DENND4B: variants seen among roughly 807,000 people sequenced by gnomAD.
DENND4B encodes DENN domain-containing protein 4B.
A neutral mutation model predicts 161.0 loss-of-function variants in DENND4B; 67 were observed. That is an observed-to-expected ratio of 0.42 (90% CI 0.34 to 0.51). The LOEUF is 0.51. DENND4B is among the 20% of genes least tolerant of loss of function. The pLI is 0.08. For synonymous variants in DENND4B, 753 were observed against 813.8 expected (o/e 0.93, Z 1.27); for missense variants, 1,481 against 1,968.0 (o/e 0.75, Z 4.68).
In DENND4B at chr1:153,942,762, C is replaced by T; in HGVS notation, c.570+116G>A. On this transcript the variant is annotated intron_variant, in intron 3 of 27. Transcript: ENST00000361217. The surrounding 1 kb of genome is among the most constrained non-coding windows in gnomAD (Gnocchi z 6.9). Reference sequence around the variant, plus strand: ...TCCCAGTGCCCCAAGACCAGAGTTACCCCTCTGGACTCACCCCTGTGGTCA... The same window carrying T: ...TCCCAGTGCCCCAAGACCAGAGTTATCCCTCTGGACTCACCCCTGTGGTCA... The T allele has an allele frequency of 6.8e-7, 1 of 1,472,144 alleles. No individual in the cohort carries two copies. Among genetic ancestry groups the T allele is most frequent in the Non-Finnish European group, 9.0e-7 (1 of 1,106,414 alleles). The allele number at this position is 1,472,144 out of a possible 1,614,324, so 91.2% of individuals were successfully genotyped here. A position where few individuals can be genotyped will look rare whatever the true frequency, so the allele number is the denominator to read the frequency against.
rs577706151 is a variant in DENND4B at position 153,940,671 on chromosome 1, A to C, written c.1327-65T>G. On this transcript the variant is annotated intron_variant, in intron 9 of 27. Transcript: ENST00000361217. The surrounding 1 kb of genome is among the most constrained non-coding windows in gnomAD (Gnocchi z 5.6). ...GAGGCAGCAGTGGGAGGCACAGGAG[A>C]GAGAAAGAGAGGGCATTGGCCTTGG... 52 of 1,563,558 alleles carry C rather than the reference A, an allele frequency of 3.3e-5. No individual in the cohort carries two copies. Among genetic ancestry groups the C allele is most frequent in the African/African-American group, 2.7e-4 (20 of 73,828 alleles).
rs969080491 is a variant in DENND4B, at chr1:153,933,516, G to T, written c.3297C>A (p.His1099Gln). The change falls in exon 20 of 28, where the codon CAC becomes CAA. Residue 1099 changes from histidine (H) to glutamine (Q), a missense_variant. Around this residue, in one of 3 missense-constraint regions of DENND4B, gnomAD observed 339 missense variants for 330.3 expected, o/e 1.03. Coordinates refer to ENST00000361217, the MANE Select transcript of DENND4B (RefSeq NM_014856.3). This position sits in a 1 kb window ranked among gnomAD's most constrained non-coding sequence, Gnocchi z 5.7. The stretch of plus-strand genomic sequence containing the variant: ...CAGTGGATCCAGGGCGCTCCCGGGG[G>T]TGCAGAAGACTGTCCATGGGGCTGC... ...ARRSPMDSLL[H>Q]PRERPGSTAS... 2.6e-6 allele frequency: 4 copies of T among 1,552,050 alleles called. No homozygotes were observed. In the African/African-American group the frequency reaches 4.1e-5, roughly 16 times the overall value.
At position 153,940,796 on chromosome 1, in the gene DENND4B, G is replaced by C. The variant is rs1194946919; in HGVS notation, c.1326+108C>G. The C allele has an allele frequency of 4.8e-6, 7 of 1,468,300 alleles. No individual in the cohort carries two copies. Among genetic ancestry groups the C allele is most frequent in the Non-Finnish European group, 6.3e-6 (7 of 1,108,706 alleles). The allele number at this position is 1,468,300 out of a possible 1,614,324, so 91.0% of individuals were successfully genotyped here. On this transcript the variant is annotated intron_variant, in intron 9 of 27. Transcript: ENST00000361217. The surrounding 1 kb of genome is among the most constrained non-coding windows in gnomAD (Gnocchi z 5.6). ...CTGCAGGCTGTGCCCAGGGAAAGGG[G>C]CTGAGGATCCTCCACAAGGAAGGAA... is the stretch of plus-strand genomic sequence containing the variant.
Position 153,932,763 on chromosome 1 carries a change from T to G in DENND4B, c.3638A>C (p.Lys1213Thr). ...TTTGCTGCCACTGGCACCAGCAGATTTGGGGCTGGGGACACTGCAGGGGGA... is the reference window on the plus strand; with the variant it reads ...TTTGCTGCCACTGGCACCAGCAGATGTGGGGCTGGGGACACTGCAGGGGGA... ...LDSRPSVPSP[K>T]SAGASGSKDA... The change falls in exon 23 of 28, where the codon AAA becomes ACA. Residue 1213 changes from lysine (K) to threonine (T), a missense_variant. Transcript: ENST00000361217. This position sits in a 1 kb window ranked among gnomAD's most constrained non-coding sequence, Gnocchi z 5.8. 6.2e-7 allele frequency: 1 copy of G among 1,613,946 alleles called. No homozygotes were observed. The highest frequency in any genetic ancestry group is 2.2e-5 in the East Asian group (1 of 44,878).
rs1371436152 is a variant in DENND4B, at chr1:153,942,485, G to T, written c.640+71C>A. ...AAAGTAAACTCTGGGGACACTTAAGGTGCCTGCCAAGAGGCACCAGGGCAA... is the reference window on the plus strand; with the variant it reads ...AAAGTAAACTCTGGGGACACTTAAGTTGCCTGCCAAGAGGCACCAGGGCAA... On this transcript the variant is annotated intron_variant, in intron 4 of 27. Coordinates refer to ENST00000361217, the MANE Select transcript of DENND4B (RefSeq NM_014856.3). The surrounding 1 kb of genome is among the most constrained non-coding windows in gnomAD (Gnocchi z 6.9). 6.4e-7 allele frequency: 1 copy of T among 1,564,470 alleles called. No homozygotes were observed. The highest frequency in any genetic ancestry group is 8.7e-7 in the Non-Finnish European group (1 of 1,153,732).
In DENND4B at chr1:153,940,120, CA is replaced by C; in HGVS notation, c.1603+35del. On this transcript the variant is annotated intron_variant, in intron 11 of 27. Transcript: ENST00000361217. The surrounding 1 kb of genome is among the most constrained non-coding windows in gnomAD (Gnocchi z 5.6). ...CAAACTGGAGGTTTGAGGGCAATGACAGTTCCCAGCCTCCCTCCCCACCCAG... is the reference window on the plus strand; with the variant it reads ...CAAACTGGAGGTTTGAGGGCAATGACGTTCCCAGCCTCCCTCCCCACCCAG... 1 of 1,512,460 alleles carries C rather than the reference CA, an allele frequency of 6.6e-7. No individual in the cohort carries two copies. Among genetic ancestry groups the C allele is most frequent in the Non-Finnish European group, 8.9e-7 (1 of 1,126,240 alleles). The allele number at this position is 1,512,460 out of a possible 1,614,324, so 93.7% of individuals were successfully genotyped here. A position where few individuals can be genotyped will look rare whatever the true frequency, so the allele number is the denominator to read the frequency against.
intron 11 of DENND4B, 128 bp from the exon 12 acceptor site, chr1:153,939,932 C>A: frequency 1.1e-6 from 1 of 927,848 alleles, no homozygotes; most frequent in Non-Finnish European, 1.6e-6. Context: ...AAAGTATTAC[C>A]TTCAACTAAC....
chr1:153,942,803 G>C lies in DENND4B; in HGVS notation c.570+75C>G. On this transcript the variant is annotated intron_variant, in intron 3 of 27. Transcript: ENST00000361217. The surrounding 1 kb of genome is among the most constrained non-coding windows in gnomAD (Gnocchi z 6.9). ...CCTGTGGTCAGAGCCTTGGTCCTGG[G>C]ATGCCCTTTGTTCCCAGTGTCCACA... is the stretch of plus-strand genomic sequence containing the variant. The C allele has an allele frequency of 1.3e-6, 2 of 1,523,812 alleles. No individual in the cohort carries two copies. Among genetic ancestry groups the C allele is most frequent in the Non-Finnish European group, 1.8e-6 (2 of 1,133,304 alleles). 94.4% of individuals were successfully genotyped at this position (1,523,812 alleles called of 1,614,324 possible).
Position 153,932,151 on chromosome 1 carries a change from G to A in DENND4B, c.3996+53C>T, listed in dbSNP as rs769420997. The A allele has an allele frequency of 7.3e-6, 11 of 1,500,140 alleles. No individual in the cohort carries two copies. Among genetic ancestry groups the A allele is most frequent in the African/African-American group, 1.4e-5 (1 of 72,564 alleles). 92.9% of individuals were successfully genotyped at this position (1,500,140 alleles called of 1,614,324 possible). A position where few individuals can be genotyped will look rare whatever the true frequency, so the allele number is the denominator to read the frequency against. On this transcript the variant is annotated intron_variant, in intron 24 of 27. Transcript: ENST00000361217. The surrounding 1 kb of genome is among the most constrained non-coding windows in gnomAD (Gnocchi z 5.8). Reference sequence around the variant, plus strand: ...GTGCCAAGGACACAGTGGACAAATGGCTGAGAGATGAGGGAGGCACTTAGG... The same window carrying A: ...GTGCCAAGGACACAGTGGACAAATGACTGAGAGATGAGGGAGGCACTTAGG...
rs758189627 is a variant in DENND4B, at chr1:153,934,157, A to G, written c.2919T>C (p.Thr973=). ...CACTGTGGGCCACACCGGCCTCCAC[A>G]GTGGGCTGTGCCCCTCGGGCACTGC... is the stretch of plus-strand genomic sequence containing the variant. ...SLGSARGAQP[T]VEAGVAHMIE... is the part of the protein sequence containing the mutation. Residue 973 remains threonine, a synonymous_variant, in exon 19 of 28, where the codon ACT becomes ACC. Coordinates refer to ENST00000361217, the MANE Select transcript of DENND4B (RefSeq NM_014856.3). This position sits in a 1 kb window ranked among gnomAD's most constrained non-coding sequence, Gnocchi z 5.3. 2.5e-6 allele frequency: 4 copies of G among 1,580,466 alleles called. No homozygotes were observed. Among genetic ancestry groups the G allele is most frequent in the Non-Finnish European group, 3.4e-6 (4 of 1,170,678 alleles).
At chr1:153,943,718 C>T (rs1021215561) in intron 2 of DENND4B, among the ~76,000 whole-genome samples, 1 of 146,888 alleles carries the variant, frequency 6.8e-6, no homozygotes, top group Admixed American at 7.0e-5. Flanking sequence ...TACAAGCTAC[C>T]ACTGACTGAC....
chr1:153,945,155 C>T, intron 1 of DENND4B: 6 of 1,289,508 alleles, frequency 4.7e-6, no homozygotes, highest in South Asian at 1.2e-5. Flanking sequence ...GGCCCAACCC[C>T]GGGGAGTAGG....
chr1:153,943,911 A>T (rs766355631), intron 2 of DENND4B, 147 bp downstream of exon 2: 7 of 859,636 alleles, frequency 8.1e-6, no homozygotes. Context: ...GACTAAGTAC[A>T]TACAACTTCA....
In DENND4B at chr1:153,929,546, T is replaced by A. The variant is rs1678784884; in HGVS notation, c.*751A>T. 6.6e-6 allele frequency: 1 copy of A among 152,098 alleles called. No homozygotes were observed. Among genetic ancestry groups the A allele is most frequent in the Admixed American group, 6.5e-5 (1 of 15,276 alleles). The allele number at this position is 152,098 out of a possible 1,614,324, so 9.4% of individuals were successfully genotyped here. On this transcript the variant is annotated 3_prime_UTR_variant, in exon 28 of 28. Coordinates refer to ENST00000361217, the MANE Select transcript of DENND4B (RefSeq NM_014856.3). ...TTACTATATTTACATCCAACAAAAC[T>A]TCGCAGGGAACAATCCTTATTGCAC... is the stretch of plus-strand genomic sequence containing the variant.
At position 153,942,747 on chromosome 1, in the gene DENND4B, C is replaced by A; in HGVS notation, c.571-122G>T. ...TAAAGCTCCCATTAATCCCAGTGCCCCAAGACCAGAGTTACCCCTCTGGAC... is the reference window on the plus strand; with the variant it reads ...TAAAGCTCCCATTAATCCCAGTGCCACAAGACCAGAGTTACCCCTCTGGAC... On this transcript the variant is annotated intron_variant, in intron 3 of 27. Coordinates refer to ENST00000361217, the MANE Select transcript of DENND4B (RefSeq NM_014856.3). The surrounding 1 kb of genome is among the most constrained non-coding windows in gnomAD (Gnocchi z 6.9). 6.8e-7 allele frequency: 1 copy of A among 1,477,534 alleles called. No individual in the cohort carries two copies. Among genetic ancestry groups the A allele is most frequent in the South Asian group, 1.4e-5 (1 of 71,070 alleles). 91.5% of individuals were successfully genotyped at this position (1,477,534 alleles called of 1,614,324 possible).
chr1:153,930,544 T>A lies in DENND4B; in HGVS notation c.4340A>T (p.Asp1447Val). Reference sequence around the variant, plus strand: ...CCCCTTGCCTGCAATCTCACCTATGTCCACGTGGTCCTTGCCCAGAGCAGC... The same window carrying A: ...CCCCTTGCCTGCAATCTCACCTATGACCACGTGGTCCTTGCCCAGAGCAGC... ...TMAALGKDHV[D>V]IVAFDKKYKS... The change falls in exon 27 of 28, where the codon GAC becomes GTC. Residue 1447 changes from aspartate to valine, a missense_variant. Asp to Val is a radical substitution (Grantham distance 152). Coordinates refer to ENST00000361217, the MANE Select transcript of DENND4B (RefSeq NM_014856.3). This position sits in a 1 kb window ranked among gnomAD's most constrained non-coding sequence, Gnocchi z 4.7. 1.2e-6 allele frequency: 2 copies of A among 1,614,024 alleles called. No individual in the cohort carries two copies. Among genetic ancestry groups the A allele is most frequent in the Non-Finnish European group, 1.7e-6 (2 of 1,179,886 alleles).
In DENND4B at chr1:153,934,446, T is replaced by G; in HGVS notation, c.2774-144A>C. ...CGTTTTGTGTTTGTTTGTTTGTTTG[T>G]TTTGTTTTGTTTTTTGAGATGGAGT... On this transcript the variant is annotated intron_variant, in intron 18 of 27. Coordinates refer to ENST00000361217, the MANE Select transcript of DENND4B (RefSeq NM_014856.3). The surrounding 1 kb of genome is among the most constrained non-coding windows in gnomAD (Gnocchi z 5.3). The G allele has an allele frequency of 8.0e-7, 1 of 1,244,548 alleles. No individual in the cohort carries two copies. 77.1% of individuals were successfully genotyped at this position (1,244,548 alleles called of 1,614,324 possible).
Position 153,941,460 on chromosome 1 carries a change from G to T in DENND4B, c.1056-20C>A, listed in dbSNP as rs773961681. On this transcript the variant is annotated intron_variant, in intron 6 of 27. Transcript: ENST00000361217. Reference sequence around the variant, plus strand: ...ATGTGCCTGGGGGACAGAGAAACAGGTCAGAGCATACTCCCCCGTCCATCC... The same window carrying T: ...ATGTGCCTGGGGGACAGAGAAACAGTTCAGAGCATACTCCCCCGTCCATCC... The T allele has an allele frequency of 6.2e-7, 1 of 1,606,522 alleles. No homozygotes were observed. The highest frequency in any genetic ancestry group is 1.1e-5 in the South Asian group (1 of 89,976).
chr1:153,937,479 A>G lies in DENND4B; in HGVS notation c.2232+9T>C. 3 of 1,539,960 alleles carry G rather than the reference A, an allele frequency of 1.9e-6. No individual in the cohort carries two copies. The highest frequency in any genetic ancestry group is 2.8e-5 in the African/African-American group (2 of 72,710). ...CCGGGTCCCTCAGTGCGGTCCACCC[A>G]CTGCTTACCTGTTTGGTACGGCGAG... On this transcript the variant is annotated intron_variant, in intron 15 of 27. Coordinates refer to ENST00000361217, the MANE Select transcript of DENND4B (RefSeq NM_014856.3). This position sits in a 1 kb window ranked among gnomAD's most constrained non-coding sequence, Gnocchi z 4.7.
Sources: gnomAD v4.1 joint callset for allele counts (sites outside exome capture counted in the v4.1 genomes callset) on GRCh38, gnomAD v4.1.1 for gene constraint, gnomAD v4.1.1 regional missense constraint, Gnocchi (gnomAD v3.1) non-coding constraint, MANE v1.5 for transcripts, NCBI Gene and HGNC (gene_info 2026-07-23, HGNC 2026-07-21) for gene names.